Variants in FMN1 observed in about 807,000 individuals in gnomAD.
The protein encoded by FMN1 is formin 1.
A neutral mutation model predicts 132.4 loss-of-function variants in FMN1; 110 were observed. That is an observed-to-expected ratio of 0.83 (90% CI 0.71 to 0.97). The LOEUF (loss-of-function observed/expected upper bound fraction) is 0.97. Among genes scored for constraint, FMN1 ranks in the 50% least tolerant of loss-of-function variants. The pLI, the probability that FMN1 is intolerant of heterozygous loss-of-function variation, is 0.00. For synonymous variants in FMN1, 722 were observed against 651.7 expected, an observed-to-expected ratio of 1.11 and a Z score of -1.64; for missense variants, 1,792 against 1,705.3, an observed-to-expected ratio of 1.05 and a Z score of -0.90.
chr15:33,010,305 G>A (rs1326241722), intron 6 of FMN1, among the ~76,000 whole-genome samples: 2 of 152,144 alleles, frequency 1.3e-5, no homozygotes, highest in East Asian at 1.9e-4. Flanking sequence ...AGAGGTTAGA[G>A]ATGGGGGTTT....
chr15:32,799,710 C>G (rs1236779738), intron 18 of FMN1, among the ~76,000 whole-genome samples: 1 of 152,192 alleles, frequency 6.6e-6, no homozygotes, highest in African/African-American at 2.4e-5. Flanking sequence ...TAAGACCTAT[C>G]CCAGCAAGGC....
At chr15:33,108,880 T>A (rs1396416036) in intron 4 of FMN1, among the ~76,000 whole-genome samples, 6 of 152,136 alleles carry the variant, frequency 3.9e-5, no homozygotes, top group Admixed American at 3.3e-4. Context: ...GTCTTTGGCC[T>A]CTGTCAGTGA....
intron 17 of FMN1, among the ~76,000 whole-genome samples, chr15:32,828,250 G>A (rs989890846): frequency 2.6e-5 from 4 of 152,144 alleles, no homozygotes; most frequent in African/African-American, 9.7e-5. Flanking sequence ...CTCCAGCCTG[G>A]GCAACAGAGC....
intron 2 of FMN1, among the ~76,000 whole-genome samples, chr15:33,185,136 T>C (rs1965835861): frequency 6.6e-6 from 1 of 152,208 alleles, no homozygotes; most frequent in African/African-American, 2.4e-5. Flanking sequence ...CTGTGGTAAG[T>C]GACAAACTAG....
chr15:32,835,316 G>T (rs1412427527), intron 17 of FMN1, among the ~76,000 whole-genome samples: 4 of 152,004 alleles, frequency 2.6e-5, no homozygotes, highest in Admixed American at 2.6e-4. Flanking sequence ...TCTAAATCGT[G>T]GCTCTAAAAA....
chr15:33,136,505 CAGGGTGAAAATGTCTAAGCA>C (rs759089928), intron 4 of FMN1, among the ~76,000 whole-genome samples: 4 of 152,136 alleles, frequency 2.6e-5, no homozygotes, highest in Non-Finnish European at 4.4e-5. Flanking sequence ...TAACAGATTT[CAGGGTGAAAATGTCTAAGCA>C]AGTGGTTTTT....
chr15:33,079,132 A>G (rs896438812), intron 5 of FMN1, among the ~76,000 whole-genome samples: 2 of 152,226 alleles, frequency 1.3e-5, no homozygotes, highest in Non-Finnish European at 1.5e-5. Flanking sequence ...CTTTGGAAGT[A>G]TAATACAGAG....
chr15:32,956,516 T>C (rs1392424801), intron 9 of FMN1, among the ~76,000 whole-genome samples: 1 of 152,130 alleles, frequency 6.6e-6, no homozygotes, highest in African/African-American at 2.4e-5. Context: ...TCAGGAGTCC[T>C]TAAACTGAAG....
At chr15:32,888,337 C>A in intron 15 of FMN1, 45 bp from the exon 16 acceptor site, 2 of 1,489,622 alleles carry the variant, frequency 1.3e-6, no homozygotes, top group South Asian at 1.4e-5. Flanking sequence ...TCCCAATTGT[C>A]ACTTTCAGTT....
At chr15:32,907,433 C>A (rs1028310737) in intron 12 of FMN1, among the ~76,000 whole-genome samples, 1 of 152,124 alleles carries the variant, frequency 6.6e-6, no homozygotes, top group Admixed American at 6.5e-5. Context: ...TGCTGCTGAT[C>A]TGACAGGAGG....
intron 6 of FMN1, among the ~76,000 whole-genome samples, chr15:33,042,202 T>C (rs949978174): frequency 1.3e-5 from 2 of 152,064 alleles, no homozygotes; most frequent in African/African-American, 4.8e-5. Context: ...TAAATCTAAG[T>C]GTGCAAAAGC....
At chr15:33,170,703 C>T in intron 3 of FMN1, among the ~76,000 whole-genome samples, 1 of 152,032 alleles carries the variant, frequency 6.6e-6, no homozygotes, top group Admixed American at 6.5e-5. Context: ...ATCATTTTAA[C>T]TCAGTTATAA....
chr15:33,139,391 T>C (rs762651466), intron 4 of FMN1, among the ~76,000 whole-genome samples: 73 of 152,080 alleles, frequency 4.8e-4, no homozygotes, highest in Admixed American at 9.8e-4. Context: ...GGTCAGGAGA[T>C]CCAGACTATC....
chr15:32,861,117 A>T (rs1401351090), intron 16 of FMN1, among the ~76,000 whole-genome samples: 3 of 152,206 alleles, frequency 2.0e-5, no homozygotes, highest in African/African-American at 7.2e-5. Flanking sequence ...TTAACCCTCT[A>T]CTATATTCAA....
intron 6 of FMN1, among the ~76,000 whole-genome samples, chr15:33,008,678 T>G (rs1038755218): frequency 6.6e-6 from 1 of 152,168 alleles, no homozygotes; most frequent in Non-Finnish European, 1.5e-5. Context: ...AGTCTAATAA[T>G]GTTTATTTCA....
At chr15:33,071,572 T>C (rs138683116) in intron 5 of FMN1, among the ~76,000 whole-genome samples, 1 of 152,342 alleles carries the variant, frequency 6.6e-6, no homozygotes, top group African/African-American at 2.4e-5. Context: ...TTACAGACTG[T>C]AACCAAGGAC....
intron 6 of FMN1, among the ~76,000 whole-genome samples, chr15:33,046,748 G>GTC (rs34119363): frequency 0.27 from 41,192 of 151,812 alleles, 5,797 homozygotes; most frequent in Non-Finnish European, 0.31. Context: ...CAGACTTCTG[G>GTC]TCTCTCTCTC....
At chr15:33,046,087 T>G (rs1184122478) in intron 6 of FMN1, among the ~76,000 whole-genome samples, 1 of 152,082 alleles carries the variant, frequency 6.6e-6, no homozygotes, top group Non-Finnish European at 1.5e-5. Flanking sequence ...TTATATAAAA[T>G]GTATATTATA....
chr15:32,850,979 A>T (rs1025187254), intron 17 of FMN1, among the ~76,000 whole-genome samples: 1 of 152,024 alleles, frequency 6.6e-6, no homozygotes, highest in African/African-American at 2.4e-5. Flanking sequence ...AATGGCGTGA[A>T]CCCGGGAGGC....
Sources: allele counts gnomAD v4.1 joint callset (sites outside exome capture counted in the v4.1 genomes callset), GRCh38; gene constraint gnomAD v4.1.1; transcripts MANE v1.5; gene names NCBI Gene and HGNC (gene_info 2026-07-23, HGNC 2026-07-21).